Variants in PHYH observed in about 807,000 individuals in gnomAD.
The protein encoded by PHYH is phytanoyl-CoA dioxygenase, peroxisomal.
Under a neutral mutation model 38.5 loss-of-function variants are expected in PHYH, and 32 were observed. The ratio of observed to expected loss-of-function variants is 0.83; its 90% CI spans 0.63 to 1.12. The LOEUF (loss-of-function observed/expected upper bound fraction) is 1.12, where lower values mean the gene tolerates loss of function less well. Ranked by LOEUF, PHYH falls within the 50% of genes most tolerant of loss-of-function variation. The probability of loss-of-function intolerance (pLI) is 0.00; values close to 1 mark genes in which losing one functional copy is unlikely to be tolerated. For missense variants in PHYH, 426 were observed against 434.8 expected, an observed-to-expected ratio of 0.98 and a Z score of 0.18; for synonymous variants, 166 against 157.9, an observed-to-expected ratio of 1.05 and a Z score of -0.38.
chr10:13,278,354 C>G lies in PHYH; in HGVS notation c.964G>C (p.Asp322His), dbSNP rs1588504517. 4 of 1,609,170 alleles carry G rather than the reference C, an allele frequency of 2.5e-6. No individual in the cohort carries two copies. In the East Asian group the frequency reaches 8.9e-5, roughly 36 times the overall value. The change falls in exon 9 of 9, where the codon GAT (aspartate) becomes CAT (histidine). Residue 322 changes from aspartate (D) to histidine (H), a missense_variant and splice_region_variant. By Grantham distance (81) the Asp-to-His change is moderately conservative (BLOSUM62 -1). Transcript: ENST00000263038. ...FGAENSVNLK[D>H]IWMFRARLVK... ...AGTCGAGCTCGAAACATCCAAATAT[C>G]CTGGAAATAATATCAAACAGAGTGG... is the stretch of plus-strand genomic sequence containing the variant.
intron 7 of PHYH, 125 bp downstream of exon 7, chr10:13,283,565 A>C (rs1261661899): frequency 1.9e-6 from 2 of 1,073,884 alleles, no homozygotes; most frequent in Non-Finnish European, 2.8e-6. Context: ...AAAAGCCACA[A>C]ATCTTTAAAA....
At chr10:13,298,028 A>T (rs1358122990) in intron 2 of PHYH, among the ~76,000 whole-genome samples, 159 bp downstream of exon 2, 1 of 152,114 alleles carries the variant, frequency 6.6e-6, no homozygotes, top group African/African-American at 2.4e-5. Flanking sequence ...CGGTCTCCAA[A>T]ATTTTCCACA....
intron 7 of PHYH, among the ~76,000 whole-genome samples, chr10:13,282,110 G>A (rs942934983): frequency 1.3e-5 from 2 of 151,992 alleles, no homozygotes; most frequent in African/African-American, 2.4e-5. Context: ...AATTAGCCAG[G>A]TGTGGTCATG....
chr10:13,294,234 T>C (rs952049566), intron 4 of PHYH, among the ~76,000 whole-genome samples, 194 bp downstream of exon 4: 1 of 151,970 alleles, frequency 6.6e-6, no homozygotes, highest in East Asian at 1.9e-4. Context: ...CCCACTGATT[T>C]TACTCAATTC....
At chr10:13,279,739 G>A (rs574058953) in intron 8 of PHYH, among the ~76,000 whole-genome samples, 1 of 152,224 alleles carries the variant, frequency 6.6e-6, no homozygotes, top group East Asian at 1.9e-4. Context: ...AAATGTGGGA[G>A]GTATTCATTT....
chr10:13,286,002 G>C (rs1835540108), intron 6 of PHYH, among the ~76,000 whole-genome samples: 1 of 151,926 alleles, frequency 6.6e-6, no homozygotes, highest in Non-Finnish European at 1.5e-5. Context: ...CGAATTCCTG[G>C]GCTCAAGTAA....
At chr10:13,298,783 A>ACTACTACTAC (rs1564430887) in intron 1 of PHYH, among the ~76,000 whole-genome samples, 2 of 111,626 alleles carry the variant, frequency 1.8e-5, no homozygotes, top group African/African-American at 3.3e-5. Context: ...ACTACTACTA[A>ACTACTACTAC]TAATAATAAT....
rs1265763656 is a variant in PHYH at position 13,278,229 on chromosome 10, A to T, written c.*72T>A. 2 of 1,022,836 alleles carry T rather than the reference A, an allele frequency of 2.0e-6. No individual in the cohort carries two copies. Among genetic ancestry groups the T allele is most frequent in the Non-Finnish European group, 3.1e-6 (2 of 642,940 alleles). 63.4% of individuals were successfully genotyped at this position (1,022,836 alleles called of 1,614,324 possible). On this transcript the variant is annotated 3_prime_UTR_variant, in exon 9 of 9. Transcript: ENST00000263038. ...ATAGAAAAGGTTACATCATCTCATTAAGAAAACATTTTCCTTAGACATTTC... is the reference window on the plus strand; with the variant it reads ...ATAGAAAAGGTTACATCATCTCATTTAGAAAACATTTTCCTTAGACATTTC...
rs10612459 is a variant in PHYH, at chr10:13,295,831, CAAA to C, written c.135-228_135-226del. 0.5 allele frequency among the ~76,000 whole-genome samples: 68,175 copies of C among 135,742 alleles called. 16,511 individuals carry two copies. The highest frequency in any genetic ancestry group is 0.65 in the Admixed American group (9,107 of 14,018). 89.1% of individuals were successfully genotyped at this position (135,742 alleles called of 152,430 possible). On this transcript the variant is annotated intron_variant, in intron 2 of 8. Transcript: ENST00000263038. ...TGGGCGACAGAGTGAGACCCTGTCTCAAAAAAAAAAAAAAAATTTAAATTACAT... is the reference window on the plus strand; with the variant it reads ...TGGGCGACAGAGTGAGACCCTGTCTCAAAAAAAAAAAAATTTAAATTACAT...
intron 3 of PHYH, chr10:13,295,290 C>T: frequency 1.8e-6 from 1 of 553,780 alleles, no homozygotes; most frequent in Non-Finnish European, 3.2e-6. Flanking sequence ...GATCGCACCA[C>T]TGCACTCAGC....
chr10:13,295,331 A>G (rs561124268), intron 3 of PHYH, 165 bp downstream of exon 3: 964 of 601,432 alleles, frequency 1.6e-3, no homozygotes, highest in Non-Finnish European at 2.3e-3. Context: ...CTTTCTCTAT[A>G]AAAAATAAAA....
chr10:13,283,907 C>T, intron 6 of PHYH, 68 bp from the exon 7 acceptor site: 1 of 1,304,678 alleles, frequency 7.7e-7, no homozygotes, highest in Non-Finnish European at 1.1e-6. Context: ...GTCAATGGTT[C>T]ATCAGGGAAA....
intron 5 of PHYH, chr10:13,291,429 G>T: frequency 4.8e-6 from 1 of 208,966 alleles, no homozygotes; most frequent in Non-Finnish European, 9.7e-6. Context: ...AAGTTTGACA[G>T]TTGTACACAT....
rs531258415 is a variant in PHYH, at chr10:13,289,234, T to C, written c.497-693A>G. Among the ~76,000 whole-genome samples the C allele has an allele frequency of 1.2e-3, 179 of 152,274 alleles. 1 individual carries two copies. Among genetic ancestry groups the C allele is most frequent in the African/African-American group, 3.9e-3 (163 of 41,562 alleles). Reference sequence around the variant, plus strand: ...TTTTTGAGACGGAGTCTTGTTCTGCTGCCCAGGCTGGAGTGCAGTGACGCG... The same window carrying C: ...TTTTTGAGACGGAGTCTTGTTCTGCCGCCCAGGCTGGAGTGCAGTGACGCG... On this transcript the variant is annotated intron_variant, in intron 5 of 8. Coordinates refer to ENST00000263038, the MANE Select transcript of PHYH (RefSeq NM_006214.4).
In PHYH at chr10:13,299,720, G is replaced by C. The variant is rs1832696699; in HGVS notation, c.75+248C>G. The C allele has an allele frequency of 4.6e-6, 6 of 1,299,644 alleles. No homozygotes were observed. In the Middle Eastern group the frequency reaches 8.7e-4, roughly 188 times the overall value. 80.5% of individuals were successfully genotyped at this position (1,299,644 alleles called of 1,614,324 possible). A position where few individuals can be genotyped will look rare whatever the true frequency, so the allele number is the denominator to read the frequency against. The stretch of plus-strand genomic sequence containing the variant: ...GGAGCAGAGGCCCCCAGGGATCCCG[G>C]AGGGCAGGGCAACGCGGCAATTGCC... On this transcript the variant is annotated intron_variant, in intron 1 of 8. Transcript: ENST00000263038.
chr10:13,280,991 A>G lies in PHYH; in HGVS notation c.948T>C (p.Asn316=), dbSNP rs143734330. ...ACAAACATACCTTCAAGTTCACGCTATTTTCAGCTCCAAAGAATTTATGTG... is the reference window on the plus strand; with the variant it reads ...ACAAACATACCTTCAAGTTCACGCTGTTTTCAGCTCCAAAGAATTTATGTG... ...GIAHKFFGAE[N]SVNLKDIWMF... The change falls in exon 8 of 9, where the codon AAT becomes AAC. Residue 316 remains asparagine (N), a synonymous_variant. Transcript: ENST00000263038. 262 of 1,613,968 alleles carry G rather than the reference A, an allele frequency of 1.6e-4. No homozygotes were observed. The highest frequency in any genetic ancestry group is 4.9e-4 in the Middle Eastern group (3 of 6,084).
At chr10:13,299,539 C>G (rs1832688722) in intron 1 of PHYH, 2 of 1,009,682 alleles carry the variant, frequency 2.0e-6, no homozygotes, top group African/African-American at 1.7e-5. Flanking sequence ...GCACCGTCCT[C>G]TCCCCTCCGG....
intron 8 of PHYH, among the ~76,000 whole-genome samples, chr10:13,280,189 G>A (rs1364476950): frequency 2.0e-5 from 3 of 152,130 alleles, no homozygotes; most frequent in South Asian, 2.1e-4. Flanking sequence ...GGAAGGTCTC[G>A]ATCTCCTGAC....
intron 6 of PHYH, among the ~76,000 whole-genome samples, chr10:13,285,925 T>A (rs1367733840): frequency 2.0e-5 from 3 of 151,862 alleles, no homozygotes; most frequent in Non-Finnish European, 4.4e-5. Context: ...CTTTTTCTTT[T>A]GATACGGGAA....
Sources: allele counts gnomAD v4.1 joint callset (sites outside exome capture counted in the v4.1 genomes callset), GRCh38; gene constraint gnomAD v4.1.1; transcripts MANE v1.5; gene names NCBI Gene and HGNC (gene_info 2026-07-23, HGNC 2026-07-21).